Variants in SORBS2 observed in about 807,000 individuals in gnomAD.
SORBS2 encodes sorbin and SH3 domain-containing protein 2.
In SORBS2, 46 loss-of-function variants were observed where a neutral mutation model predicts 97.7. The ratio of observed to expected loss-of-function variants is 0.47; its 90% CI spans 0.37 to 0.60. SORBS2 has a LOEUF of 0.60. SORBS2 is among the 20% of genes least tolerant of loss of function. SORBS2 has a pLI of 0.00. For synonymous variants in SORBS2, 476 were observed against 473.4 expected, an observed-to-expected ratio of 1.01 and a Z score of -0.07; for missense variants, 1,316 against 1,282.3, an observed-to-expected ratio of 1.03 and a Z score of -0.40.
intron 2 of SORBS2, among the ~76,000 whole-genome samples, chr4:185,683,475 C>T (rs534399589): frequency 5.3e-5 from 8 of 152,114 alleles, no homozygotes; most frequent in Non-Finnish European, 1.0e-4. Flanking sequence ...TGAACTCTTA[C>T]GGTTATTGTC....
At chr4:185,820,040 G>A (rs1307015301) in intron 1 of SORBS2, among the ~76,000 whole-genome samples, 1 of 152,162 alleles carries the variant, frequency 6.6e-6, no homozygotes, top group Non-Finnish European at 1.5e-5. Flanking sequence ...AAGGGTATTA[G>A]GTATTATCTT....
intron 1 of SORBS2, among the ~76,000 whole-genome samples, chr4:185,954,966 G>C (rs1182191856): frequency 1.3e-5 from 2 of 151,856 alleles, no homozygotes; most frequent in Admixed American, 6.6e-5. Flanking sequence ...AACAAACAAA[G>C]AAACAAAAAA....
chr4:185,609,245 G>A (rs2096491654), intron 12 of SORBS2, among the ~76,000 whole-genome samples: 1 of 152,164 alleles, frequency 6.6e-6, no homozygotes, highest in South Asian at 2.1e-4. Context: ...TAGAGTTCTA[G>A]TTTATACCCC....
chr4:185,874,685 A>C (rs1458323745), intron 1 of SORBS2, among the ~76,000 whole-genome samples: 1 of 152,064 alleles, frequency 6.6e-6, no homozygotes, highest in Non-Finnish European at 1.5e-5. Context: ...CTGTAAATAA[A>C]CTCTGCTGTA....
intron 2 of SORBS2, among the ~76,000 whole-genome samples, chr4:185,652,115 G>C (rs565646250): frequency 6.6e-6 from 1 of 152,202 alleles, no homozygotes; most frequent in Admixed American, 6.5e-5. Flanking sequence ...TGGGATTACA[G>C]GTGTGTGCCA....
chr4:185,927,441 C>A (rs940496743), intron 1 of SORBS2, among the ~76,000 whole-genome samples: 1 of 151,706 alleles, frequency 6.6e-6, no homozygotes, highest in Non-Finnish European at 1.5e-5. Flanking sequence ...TCCCCTTGCC[C>A]CCCACCCCCT....
At chr4:185,695,354 T>C (rs1355455719) in intron 2 of SORBS2, among the ~76,000 whole-genome samples, 1 of 152,154 alleles carries the variant, frequency 6.6e-6, no homozygotes. Flanking sequence ...GCTCAGTTAA[T>C]GGGAGGAGTT....
chr4:185,770,031 AG>A (rs2098960771), intron 2 of SORBS2, among the ~76,000 whole-genome samples: 1 of 151,916 alleles, frequency 6.6e-6, no homozygotes. Context: ...AGCAGTTGAC[AG>A]ATCATGAAGC....
chr4:185,776,872 C>A (rs2099002479), intron 1 of SORBS2, among the ~76,000 whole-genome samples: 1 of 148,172 alleles, frequency 6.7e-6, no homozygotes, highest in Non-Finnish European at 1.5e-5. Flanking sequence ...TGCACTCCAG[C>A]CTGGGCAACA....
At chr4:185,710,906 T>C (rs2098414065) in intron 2 of SORBS2, among the ~76,000 whole-genome samples, 1 of 152,238 alleles carries the variant, frequency 6.6e-6, no homozygotes, top group Non-Finnish European at 1.5e-5. Flanking sequence ...GTCAGGAAAC[T>C]GCAAATAAAT....
intron 1 of SORBS2, among the ~76,000 whole-genome samples, chr4:185,810,054 T>G (rs756906416): frequency 6.6e-6 from 1 of 152,234 alleles, no homozygotes; most frequent in Non-Finnish European, 1.5e-5. Flanking sequence ...GCTCATAGAA[T>G]TGGACTCAGA....
At chr4:185,603,871 G>A (rs1432828216) in intron 12 of SORBS2, among the ~76,000 whole-genome samples, 1 of 152,186 alleles carries the variant, frequency 6.6e-6, no homozygotes, top group African/African-American at 2.4e-5. Context: ...TGCTACAAAA[G>A]GATGATCCTT....
chr4:185,807,803 CCATAATTAAATTGTTAGTT>C (rs1295927381), intron 1 of SORBS2, among the ~76,000 whole-genome samples: 2 of 152,164 alleles, frequency 1.3e-5, no homozygotes, highest in Admixed American at 6.5e-5. Flanking sequence ...ACAGGCATAT[CCATAATTAAATTGTTAGTT>C]TGAGGAACTT....
At chr4:185,748,730 T>A (rs1466201669) in intron 2 of SORBS2, among the ~76,000 whole-genome samples, 1 of 152,224 alleles carries the variant, frequency 6.6e-6, no homozygotes, top group African/African-American at 2.4e-5. Context: ...AACTCACTCA[T>A]CAGTTTGGAT....
intron 1 of SORBS2, among the ~76,000 whole-genome samples, chr4:185,915,202 G>T (rs973028706): frequency 6.6e-6 from 1 of 152,164 alleles, no homozygotes; most frequent in Non-Finnish European, 1.5e-5. Flanking sequence ...AGAAGTGGAC[G>T]ATGACTTTAA....
At chr4:185,693,324 C>T (rs2098126063) in intron 2 of SORBS2, among the ~76,000 whole-genome samples, 1 of 152,022 alleles carries the variant, frequency 6.6e-6, no homozygotes, top group South Asian at 2.1e-4. Flanking sequence ...GCCTTAAGAC[C>T]GCCTGTATTG....
chr4:185,671,178 C>A lies in SORBS2; in HGVS notation c.-46+7245G>T, dbSNP rs552539818. ...ATAAAAATTATTTTAACCATATACT[C>A]CCCACCCAAGAGCTGGGTGACAAGT... On this transcript the variant is annotated intron_variant, in intron 4 of 20. Transcript: ENST00000284776. Among the ~76,000 whole-genome samples the A allele has an allele frequency of 5.9e-5, 9 of 152,254 alleles. No individual in the cohort carries two copies. The East Asian group carries it at 1.7e-3, about 29-fold the overall frequency.
At chr4:185,819,701 G>A (rs2099195522) in intron 1 of SORBS2, among the ~76,000 whole-genome samples, 1 of 152,186 alleles carries the variant, frequency 6.6e-6, no homozygotes, top group Admixed American at 6.5e-5. Context: ...CACCCAGGCT[G>A]ACTCGGTGGG....
chr4:185,735,266 C>T (rs533554485), intron 2 of SORBS2, among the ~76,000 whole-genome samples: 7 of 152,020 alleles, frequency 4.6e-5, no homozygotes, highest in African/African-American at 9.7e-5. Context: ...CCTGATTTCA[C>T]GGTGAAAAGC....
Sources: allele counts gnomAD v4.1 joint callset (sites outside exome capture counted in the v4.1 genomes callset), GRCh38; gene constraint gnomAD v4.1.1; transcripts MANE v1.5; gene names NCBI Gene and HGNC (gene_info 2026-07-23, HGNC 2026-07-21).